Variants in PPARGC1A observed in about 807,000 individuals in gnomAD.
PPARGC1A encodes the protein peroxisome proliferator-activated receptor gamma coactivator 1-alpha.
A neutral mutation model predicts 88.7 loss-of-function variants in PPARGC1A; 25 were observed. The observed-to-expected ratio is 0.28, with a 90% CI of 0.21 to 0.39. The LOEUF (loss-of-function observed/expected upper bound fraction) is 0.39, where lower values mean the gene tolerates loss of function less well. PPARGC1A is among the 10% of genes least tolerant of loss of function. PPARGC1A has a pLI of 1.00. For missense variants in PPARGC1A, 880 were observed against 968.7 expected, an observed-to-expected ratio of 0.91 and a Z score of 1.22; for synonymous variants, 363 against 355.6, an observed-to-expected ratio of 1.02 and a Z score of -0.24.
chr4:24,288,133 G>C, the PPARGC1A span, among the ~76,000 whole-genome samples: 2 of 152,080 alleles, frequency 1.3e-5, no homozygotes, highest in African/African-American at 4.8e-5. Flanking sequence ...TCTCTGAGTA[G>C]CTTTACTGTT....
chr4:23,977,049 G>A, the PPARGC1A span, among the ~76,000 whole-genome samples: 3 of 152,046 alleles, frequency 2.0e-5, no homozygotes, highest in East Asian at 1.9e-4. Context: ...AGGAGAAGAG[G>A]AAGAGGAAGA....
the PPARGC1A span, among the ~76,000 whole-genome samples, chr4:24,123,329 T>C: frequency 6.6e-6 from 1 of 152,142 alleles, no homozygotes; most frequent in African/African-American, 2.4e-5. Flanking sequence ...AGCTTAGCTG[T>C]AGAGGGTCTC....
At chr4:23,918,758 G>C in the PPARGC1A span, among the ~76,000 whole-genome samples, 1 of 152,082 alleles carries the variant, frequency 6.6e-6, no homozygotes, top group Non-Finnish European at 1.5e-5. Flanking sequence ...ATCAGAAATT[G>C]TTTAAAAAAT....
chr4:24,118,812 C>A, the PPARGC1A span, among the ~76,000 whole-genome samples: 2 of 152,038 alleles, frequency 1.3e-5, no homozygotes, highest in Non-Finnish European at 2.9e-5. Context: ...TTTTTTTCCA[C>A]TTGCATAGAA....
the PPARGC1A span, among the ~76,000 whole-genome samples, chr4:23,909,534 T>A: frequency 1.3e-5 from 2 of 151,968 alleles, no homozygotes; most frequent in Non-Finnish European, 2.9e-5. Flanking sequence ...CATACTTGGC[T>A]GGAGAAGAAC....
chr4:23,928,478 G>T, the PPARGC1A span, among the ~76,000 whole-genome samples: 2 of 152,084 alleles, frequency 1.3e-5, no homozygotes, highest in Non-Finnish European at 2.9e-5. Flanking sequence ...TGGAGAAATA[G>T]GAATGCTTTT....
chr4:24,119,086 T>C, the PPARGC1A span, among the ~76,000 whole-genome samples: 3 of 152,200 alleles, frequency 2.0e-5, no homozygotes, highest in Admixed American at 6.5e-5. Context: ...TTGTTTTGCA[T>C]TGCCTCAACA....
At chr4:24,228,457 A>G in the PPARGC1A span, among the ~76,000 whole-genome samples, 2 of 152,342 alleles carry the variant, frequency 1.3e-5, no homozygotes, top group Middle Eastern at 3.4e-3. Context: ...CCTCATGGAC[A>G]TAAAGTTGGC....
chr4:24,420,465 G>A, the PPARGC1A span, among the ~76,000 whole-genome samples: 2 of 152,150 alleles, frequency 1.3e-5, no homozygotes, highest in Non-Finnish European at 2.9e-5. Flanking sequence ...CTGGTTCTTT[G>A]GAAGATTAGT....
the PPARGC1A span, among the ~76,000 whole-genome samples, chr4:24,298,186 G>GA: frequency 0.98 from 144,690 of 147,944 alleles, 70,755 homozygotes; most frequent in Admixed American, 0.99. Context: ...ATTACCAAAT[G>GA]AAAAAAAAAA....
the PPARGC1A span, among the ~76,000 whole-genome samples, chr4:24,155,117 G>GTTTT: frequency 3.1e-4 from 44 of 143,480 alleles, no homozygotes; most frequent in African/African-American, 1.2e-3. Context: ...TCGAACCTCG[G>GTTTT]TTTTGTTTTT....
chr4:24,289,820 T>C, the PPARGC1A span, among the ~76,000 whole-genome samples: 1 of 152,154 alleles, frequency 6.6e-6, no homozygotes, highest in Non-Finnish European at 1.5e-5. Context: ...TGTCTCTGAC[T>C]CCTCCTTTAC....
Position 23,812,814 on chromosome 4 carries a change from C to T in PPARGC1A, c.1952G>A (p.Arg651His), listed in dbSNP as rs751008411. 20 of 1,613,908 alleles carry T rather than the reference C, an allele frequency of 1.2e-5. No homozygotes were observed. Among genetic ancestry groups the T allele is most frequent in the Admixed American group, 6.7e-5 (4 of 59,982 alleles). ...QHERLKREEY[R>H]REYEKRESER... is the part of the protein sequence containing the mutation. ...AGACTCTCGCTTCTCATACTCTCTG[C>T]GATATTCTTCCCTCTTCAGCCTCTC... Residue 651 changes from arginine to histidine, a missense_variant, in exon 10 of 13, where the codon CGC becomes CAC. By Grantham distance (29) the Arg-to-His change is conservative (BLOSUM62 0). Transcript: ENST00000264867.
the PPARGC1A span, among the ~76,000 whole-genome samples, chr4:24,300,324 A>ATTTTTTTTTTTT: frequency 1.6e-4 from 7 of 45,028 alleles, 2 homozygotes; most frequent in Non-Finnish European, 2.2e-4. Context: ...ATACAATAGC[A>ATTTTTTTTTTTT]TTTTTTTTTT....
At chr4:24,320,624 C>T in the PPARGC1A span, among the ~76,000 whole-genome samples, 1 of 135,100 alleles carries the variant, frequency 7.4e-6, no homozygotes, top group East Asian at 2.2e-4. Context: ...AAAGACCATC[C>T]TTATATAAAA....
chr4:23,890,714 G>C (rs1033927911), upstream of PPARGC1A, among the ~76,000 whole-genome samples: 5 of 149,802 alleles, frequency 3.3e-5, no homozygotes, highest in Non-Finnish European at 7.4e-5. Context: ...ATGGCAGTAG[G>C]GAATACCAGC....
chr4:23,926,826 C>A, the PPARGC1A span, among the ~76,000 whole-genome samples: 1 of 152,236 alleles, frequency 6.6e-6, no homozygotes, highest in Non-Finnish European at 1.5e-5. Context: ...TCTACTACTG[C>A]ACCCAGCACA....
the PPARGC1A span, among the ~76,000 whole-genome samples, chr4:24,122,366 C>A: frequency 4.3e-5 from 5 of 115,994 alleles, no homozygotes; most frequent in African/African-American, 1.6e-4. Context: ...TGAGTGTATG[C>A]GTATGTGTGT....
the PPARGC1A span, among the ~76,000 whole-genome samples, chr4:23,934,914 A>G: frequency 5.5e-4 from 84 of 152,326 alleles, no homozygotes; most frequent in African/African-American, 1.8e-3. Flanking sequence ...ACCAAGGTGG[A>G]ATATCCCACC....
Sources: gnomAD v4.1 joint callset for allele counts (sites outside exome capture counted in the v4.1 genomes callset) on GRCh38, gnomAD v4.1.1 for gene constraint, MANE v1.5 for transcripts, NCBI Gene and HGNC (gene_info 2026-07-23, HGNC 2026-07-21) for gene names.